Variants in LINGO2 observed in about 807,000 individuals in gnomAD.
LINGO2 encodes leucine rich repeat and Ig domain containing 2.
Under a neutral mutation model 30.6 loss-of-function variants are expected in LINGO2, and 14 were observed. That is an observed-to-expected ratio of 0.46 (90% CI 0.30 to 0.72). LINGO2 has a LOEUF of 0.72. Ranked by LOEUF, LINGO2 falls within the 30% of genes least tolerant of loss-of-function variation. The probability of loss-of-function intolerance (pLI) is 0.07; values close to 1 mark genes in which losing one functional copy is unlikely to be tolerated. For missense variants in LINGO2, 729 were observed against 751.7 expected (o/e 0.97, Z 0.35); for synonymous variants, 317 against 288.5 (o/e 1.10, Z -1.00).
intron 4 of LINGO2, among the ~76,000 whole-genome samples, chr9:28,111,331 C>G (rs1379548834): frequency 1.3e-5 from 2 of 151,874 alleles, no homozygotes. Flanking sequence ...TGGAGCAAAC[C>G]ACTATGACGC....
At chr9:28,533,927 C>T (rs891121864) in intron 1 of LINGO2, among the ~76,000 whole-genome samples, 1 of 152,110 alleles carries the variant, frequency 6.6e-6, no homozygotes, top group Non-Finnish European at 1.5e-5. Flanking sequence ...TGCTAGGTTA[C>T]AAATTAAATT....
intron 3 of LINGO2, among the ~76,000 whole-genome samples, chr9:28,315,530 G>T (rs1280184940): frequency 3.9e-5 from 6 of 152,224 alleles, no homozygotes; most frequent in African/African-American, 1.4e-4. Flanking sequence ...TAGCTGACCA[G>T]CTGTTTTTAC....
chr9:28,717,446 G>C, the LINGO2 span, among the ~76,000 whole-genome samples: 1 of 151,936 alleles, frequency 6.6e-6, no homozygotes, highest in East Asian at 1.9e-4. Flanking sequence ...TAGGGGTGAG[G>C]TAAGTGGAGA....
chr9:28,823,654 C>G, the LINGO2 span, among the ~76,000 whole-genome samples: 1 of 152,168 alleles, frequency 6.6e-6, no homozygotes, highest in South Asian at 2.1e-4. Context: ...TACAGAGGAA[C>G]TGAAGCCCCA....
the LINGO2 span, among the ~76,000 whole-genome samples, chr9:28,970,693 T>G: frequency 6.6e-6 from 1 of 152,114 alleles, no homozygotes; most frequent in Non-Finnish European, 1.5e-5. Context: ...AGACCAGCCC[T>G]AGCCAAAAGG....
At chr9:27,957,306 G>A (rs1587534736) in intron 5 of LINGO2, among the ~76,000 whole-genome samples, 1 of 151,752 alleles carries the variant, frequency 6.6e-6, no homozygotes, top group South Asian at 2.1e-4. Flanking sequence ...TTTTTTGTTT[G>A]TTTGTTGGGA....
intron 3 of LINGO2, among the ~76,000 whole-genome samples, chr9:28,309,913 C>T (rs1458461595): frequency 6.6e-6 from 1 of 151,832 alleles, no homozygotes; most frequent in Non-Finnish European, 1.5e-5. Context: ...AAATGATGCT[C>T]AATGTGATTA....
exon 5 of LINGO2, chr9:28,012,388 G>C (rs185698514): frequency 1.1e-4 from 17 of 151,172 alleles, no homozygotes; most frequent in Admixed American, 1.1e-3. Flanking sequence ...AAGGGTTATA[G>C]GTTCCTCATG....
At chr9:28,738,285 C>A in the LINGO2 span, among the ~76,000 whole-genome samples, 1 of 152,114 alleles carries the variant, frequency 6.6e-6, no homozygotes. Flanking sequence ...TATTCTCTCT[C>A]TTTCTTCTCC....
the LINGO2 span, among the ~76,000 whole-genome samples, chr9:28,824,047 C>T: frequency 1.3e-5 from 2 of 152,072 alleles, no homozygotes; most frequent in African/African-American, 4.8e-5. Flanking sequence ...AAAGCAATTC[C>T]TGAAAAGTTA....
chr9:28,760,441 T>C, the LINGO2 span, among the ~76,000 whole-genome samples: 1 of 152,004 alleles, frequency 6.6e-6, no homozygotes, highest in Non-Finnish European at 1.5e-5. Context: ...TTTCAAGAAA[T>C]TCAACATCAA....
At chr9:28,123,663 A>G (rs567110544) in intron 4 of LINGO2, among the ~76,000 whole-genome samples, 1 of 147,212 alleles carries the variant, frequency 6.8e-6, no homozygotes, top group Non-Finnish European at 1.5e-5. Flanking sequence ...CATTTAAAAA[A>G]TATTTGATTT....
chr9:28,877,879 A>C, the LINGO2 span, among the ~76,000 whole-genome samples: 9 of 152,206 alleles, frequency 5.9e-5, no homozygotes, highest in East Asian at 3.9e-4. Context: ...TCTTCCTACC[A>C]ATGAGCATGG....
intron 1 of LINGO2, among the ~76,000 whole-genome samples, chr9:28,565,698 CCCA>C (rs1215532173): frequency 1.3e-5 from 2 of 151,432 alleles, no homozygotes; most frequent in Non-Finnish European, 2.9e-5. Context: ...ACTACAGGCG[CCCA>C]CCACCACGCC....
chr9:28,821,154 A>G, the LINGO2 span, among the ~76,000 whole-genome samples: 1 of 145,888 alleles, frequency 6.9e-6, no homozygotes, highest in Admixed American at 6.7e-5. Flanking sequence ...TGCTGGCTAC[A>G]TAGCCCTTGC....
chr9:28,579,579 G>A (rs189967258), intron 1 of LINGO2, among the ~76,000 whole-genome samples: 480 of 152,116 alleles, frequency 3.2e-3, no homozygotes, highest in Non-Finnish European at 5.3e-3. Flanking sequence ...TATTTTGCAT[G>A]AAATATTATA....
At chr9:28,272,292 C>A (rs1159633344) in intron 4 of LINGO2, among the ~76,000 whole-genome samples, 1 of 152,084 alleles carries the variant, frequency 6.6e-6, no homozygotes, top group Non-Finnish European at 1.5e-5. Context: ...CCTCCCTTTG[C>A]ACTTAGCATA....
chr9:28,700,578 A>T, the LINGO2 span, among the ~76,000 whole-genome samples: 14,762 of 152,118 alleles, frequency 0.097, 957 homozygotes, highest in East Asian at 0.2. Context: ...CAATTGTGAA[A>T]AAAGCTGCTA....
At chr9:28,729,854 A>C in the LINGO2 span, among the ~76,000 whole-genome samples, 1 of 152,090 alleles carries the variant, frequency 6.6e-6, no homozygotes, top group Non-Finnish European at 1.5e-5. Flanking sequence ...CTAGGGGTCC[A>C]AAAAGCATGA....
Sources: allele counts gnomAD v4.1 joint callset (sites outside exome capture counted in the v4.1 genomes callset), GRCh38; gene constraint gnomAD v4.1.1; transcripts MANE v1.5; gene names NCBI Gene and HGNC (gene_info 2026-07-23, HGNC 2026-07-21).